Variants in FCHO2 observed in about 807,000 individuals in gnomAD.
FCHO2 encodes FCH and mu domain containing endocytic adaptor 2, also known as F-BAR domain only protein 2.
Under a neutral mutation model 114.1 loss-of-function variants are expected in FCHO2, and 43 were observed. That is an observed-to-expected ratio of 0.38 (90% CI 0.30 to 0.49). The LOEUF is 0.49. FCHO2 is among the 20% of genes least tolerant of loss of function. The pLI, the probability that FCHO2 is intolerant of heterozygous loss-of-function variation, is 0.97. For missense variants in FCHO2, 807 were observed against 950.4 expected, an observed-to-expected ratio of 0.85 and a Z score of 1.98; for synonymous variants, 293 against 315.2, an observed-to-expected ratio of 0.93 and a Z score of 0.75.
chr5:73,061,007 C>CAAA (rs202006082), intron 17 of FCHO2, among the ~76,000 whole-genome samples: 16,268 of 129,244 alleles, frequency 0.13, 1,083 homozygotes, highest in Middle Eastern at 0.18. Flanking sequence ...CTTGTGCTCA[C>CAAA]AAAAAAAAAA....
At position 73,041,385 on chromosome 5, in the gene FCHO2, T is replaced by G; in HGVS notation, c.939+70T>G. On this transcript the variant is annotated intron_variant, in intron 11 of 25. Coordinates refer to ENST00000430046, the MANE Select transcript of FCHO2 (RefSeq NM_138782.3). ...TTCATTAGGACAAACCTAACACATT[T>G]GAGTTGAGTTGTTACCAGTCTTTCA... The G allele has an allele frequency of 3.3e-6, 3 of 919,480 alleles. No homozygotes were observed. In the South Asian group the frequency reaches 4.7e-5, roughly 14 times the overall value. The allele number at this position is 919,480 out of a possible 1,614,324, so 57.0% of individuals were successfully genotyped here. A position where few individuals can be genotyped will look rare whatever the true frequency, so the allele number is the denominator to read the frequency against.
rs1205010470 is a variant in FCHO2 at position 73,076,116 on chromosome 5, G to A, written c.1692-1222G>A. Among the ~76,000 whole-genome samples the A allele has an allele frequency of 3.3e-5, 5 of 152,202 alleles. No individual in the cohort carries two copies. In the East Asian group the frequency reaches 9.7e-4, roughly 30 times the overall value. ...AGGTGAGGAGAGAACCAATAGACCC[G>A]TGTCTAGAAACTAAGTGAATAAATC... On this transcript the variant is annotated intron_variant, in intron 20 of 25. Transcript: ENST00000430046.
chr5:73,060,444 T>G (rs930021128), intron 17 of FCHO2, among the ~76,000 whole-genome samples: 2 of 152,098 alleles, frequency 1.3e-5, no homozygotes, highest in African/African-American at 4.8e-5. Context: ...TTCTCCTGTT[T>G]TACAGAACTG....
Position 73,011,477 on chromosome 5 carries a change from T to C in FCHO2, c.601-4149T>C, listed in dbSNP as rs137916398. Among the ~76,000 whole-genome samples the C allele has an allele frequency of 1.9e-3, 289 of 152,296 alleles. 3 individuals carry two copies. Among genetic ancestry groups the C allele is most frequent in the African/African-American group, 6.8e-3 (284 of 41,560 alleles). On this transcript the variant is annotated intron_variant, in intron 6 of 25. Coordinates refer to ENST00000430046, the MANE Select transcript of FCHO2 (RefSeq NM_138782.3). ...AAAATTTTTATTTTTTTTTAACTTT[T>C]TAAATCTTTTTCCTAAAAACTAAGA...
At chr5:73,020,882 G>T in intron 8 of FCHO2, 1 of 1,100,566 alleles carries the variant, frequency 9.1e-7, no homozygotes, top group Non-Finnish European at 1.4e-6. Flanking sequence ...ACCTGTATCA[G>T]CTCACCACGG....
chr5:73,054,335 C>T (rs1333875688), intron 14 of FCHO2, among the ~76,000 whole-genome samples, 164 bp downstream of exon 14: 2 of 152,078 alleles, frequency 1.3e-5, no homozygotes, highest in African/African-American at 4.8e-5. Flanking sequence ...GTTAAAACTA[C>T]ATGTATTATT....
chr5:73,056,927 A>G (rs1757623560), intron 16 of FCHO2, among the ~76,000 whole-genome samples: 1 of 151,716 alleles, frequency 6.6e-6, no homozygotes, highest in Admixed American at 6.6e-5. Flanking sequence ...TTCTGTGTCT[A>G]TCAGTTAAGA....
chr5:73,017,385 G>A, intron 8 of FCHO2, 77 bp downstream of exon 8: 1 of 844,678 alleles, frequency 1.2e-6, no homozygotes, highest in Non-Finnish European at 1.8e-6. Flanking sequence ...TGAAGATCAT[G>A]TGGGTAAGGG....
At chr5:73,023,672 C>T (rs544823961) in intron 8 of FCHO2, among the ~76,000 whole-genome samples, 1 of 151,732 alleles carries the variant, frequency 6.6e-6, no homozygotes, top group African/African-American at 2.4e-5. Flanking sequence ...TGCACTCCAG[C>T]CTAGGCAACA....
chr5:73,006,327 G>GTT, intron 5 of FCHO2, 118 bp from the exon 6 acceptor site: 1 of 553,292 alleles, frequency 1.8e-6, no homozygotes. Flanking sequence ...ATCAAAGTTA[G>GTT]TTATATGTCA....
intron 24 of FCHO2, among the ~76,000 whole-genome samples, chr5:73,085,327 G>A (rs1743261198): frequency 6.6e-6 from 1 of 151,948 alleles, no homozygotes; most frequent in Non-Finnish European, 1.5e-5. Context: ...CCAGCCTGGC[G>A]CAGAGACTCC....
Position 72,968,380 on chromosome 5 carries a change from AT to A in FCHO2, c.34-115del, listed in dbSNP as rs1752323462. The stretch of plus-strand genomic sequence containing the variant: ...TAAAATCATACAATAAATGAGAAAA[AT>A]TTATGAAAACACCTCACCTGAGCAC... On this transcript the variant is annotated intron_variant, in intron 1 of 25. Coordinates refer to ENST00000430046, the MANE Select transcript of FCHO2 (RefSeq NM_138782.3). 8.8e-5 allele frequency: 56 copies of A among 636,852 alleles called. No individual in the cohort carries two copies. In the South Asian group the frequency reaches 1.5e-3, roughly 17 times the overall value. 39.5% of individuals were successfully genotyped at this position (636,852 alleles called of 1,614,324 possible).
chr5:73,086,104 A>G (rs1229950924), intron 24 of FCHO2, among the ~76,000 whole-genome samples: 3 of 151,758 alleles, frequency 2.0e-5, no homozygotes, highest in Non-Finnish European at 4.4e-5. Flanking sequence ...CCTAGGCAAC[A>G]GAGTGAGAGA....
chr5:73,035,489 C>G (rs1383451088), intron 9 of FCHO2, among the ~76,000 whole-genome samples: 1 of 152,048 alleles, frequency 6.6e-6, no homozygotes, highest in Non-Finnish European at 1.5e-5. Context: ...AACCTAAGGT[C>G]TCTACTGCTC....
chr5:73,006,359 T>C, intron 5 of FCHO2, 86 bp from the exon 6 acceptor site: 1 of 783,808 alleles, frequency 1.3e-6, no homozygotes, highest in Non-Finnish European at 1.8e-6. Context: ...TAAAATGTAT[T>C]TTAATTTGTT....
At chr5:72,976,306 T>A (rs1258360811) in intron 2 of FCHO2, among the ~76,000 whole-genome samples, 2 of 152,170 alleles carry the variant, frequency 1.3e-5, no homozygotes, top group Non-Finnish European at 2.9e-5. Flanking sequence ...CTCGAACTCC[T>A]GGCCTCAAGT....
intron 8 of FCHO2, among the ~76,000 whole-genome samples, chr5:73,025,628 C>T (rs554362292): frequency 1.3e-5 from 2 of 152,260 alleles, no homozygotes; most frequent in East Asian, 3.9e-4. Flanking sequence ...ATCCTCCCAC[C>T]TTGGCCTCCC....
At chr5:73,040,459 G>A (rs1216849449) in intron 10 of FCHO2, among the ~76,000 whole-genome samples, 4 of 152,072 alleles carry the variant, frequency 2.6e-5, no homozygotes, top group Admixed American at 6.6e-5. Context: ...TTAAGTCTGC[G>A]CTCTTAATTT....
At chr5:73,035,985 G>A (rs1026184583) in intron 9 of FCHO2, among the ~76,000 whole-genome samples, 7 of 151,846 alleles carry the variant, frequency 4.6e-5, no homozygotes, top group Non-Finnish European at 8.8e-5. Context: ...CGGGATTACA[G>A]GTGTGCGCCA....
Sources: allele counts gnomAD v4.1 joint callset (sites outside exome capture counted in the v4.1 genomes callset), GRCh38; gene constraint gnomAD v4.1.1; transcripts MANE v1.5; gene names NCBI Gene and HGNC (gene_info 2026-07-23, HGNC 2026-07-21).